Variants in TNKS observed in about 807,000 individuals in gnomAD.
TNKS encodes the protein poly [ADP-ribose] polymerase tankyrase-1.
Under a neutral mutation model 135.8 loss-of-function variants are expected in TNKS, and 72 were observed. That is an observed-to-expected ratio of 0.53 (90% confidence interval 0.44 to 0.64). The LOEUF is 0.64. Ranked by LOEUF, TNKS falls within the 30% of genes least tolerant of loss-of-function variation. TNKS has a pLI of 0.00. For missense variants in TNKS, 1,769 were observed against 1,674.0 expected (o/e 1.06, Z -0.99); for synonymous variants, 849 against 649.3 (o/e 1.31, Z -4.68).
chr8:9,663,972 A>G lies in TNKS; in HGVS notation c.995-15979A>G, dbSNP rs566923581. 2.6e-4 allele frequency among the ~76,000 whole-genome samples: 40 copies of G among 152,280 alleles called. No individual in the cohort carries two copies. The South Asian group carries it at 8.3e-3, about 32-fold the overall frequency. On this transcript the variant is annotated intron_variant, in intron 3 of 26. Transcript: ENST00000310430. ...ATCATTCCCTCCCTGGAGATCAGGC[A>G]TGGGGCTGAAAGTTCCACCCATCCA... is the stretch of plus-strand genomic sequence containing the variant.
At position 9,778,411 on chromosome 8, in the gene TNKS, C is replaced by G. The variant is rs1249629833; in HGVS notation, c.*1675C>G. 3.3e-5 allele frequency: 5 copies of G among 152,568 alleles called. No homozygotes were observed. The highest frequency in any genetic ancestry group is 2.0e-4 in the Admixed American group (3 of 15,282). 9.5% of individuals were successfully genotyped at this position (152,568 alleles called of 1,614,324 possible). A position where few individuals can be genotyped will look rare whatever the true frequency, so the allele number is the denominator to read the frequency against. ...TGAAGCAAAATAAAATGGTTACATG[C>G]AAAACTTCTAGAAATAGACTCTTAA... On this transcript the variant is annotated 3_prime_UTR_variant, in exon 27 of 27. Transcript: ENST00000310430.
chr8:9,624,041 A>C (rs7005248), intron 3 of TNKS, among the ~76,000 whole-genome samples: 28,958 of 151,602 alleles, frequency 0.19, 2,979 homozygotes, highest in East Asian at 0.3. Flanking sequence ...ACAACAACAA[A>C]AAACAACTAA....
intron 1 of TNKS, among the ~76,000 whole-genome samples, chr8:9,568,054 C>G (rs549331970): frequency 2.1e-4 from 32 of 152,278 alleles, no homozygotes; most frequent in Admixed American, 5.9e-4. Flanking sequence ...TAGACTGAAT[C>G]TCTGCAGTTA....
intron 2 of TNKS, 194 bp from the exon 3 acceptor site, chr8:9,615,388 A>T (rs544458525): frequency 4.4e-6 from 2 of 452,190 alleles, no homozygotes; most frequent in African/African-American, 2.0e-5. Context: ...ATTGTACCAT[A>T]AGTTGCCAAC....
chr8:9,724,423 A>G (rs989872379), intron 12 of TNKS, among the ~76,000 whole-genome samples: 16 of 151,732 alleles, frequency 1.1e-4, no homozygotes, highest in African/African-American at 3.9e-4. Flanking sequence ...CCCCATCTCT[A>G]AAAAGAAAGA....
At chr8:9,566,713 A>G (rs921101458) in intron 1 of TNKS, among the ~76,000 whole-genome samples, 2 of 143,680 alleles carry the variant, frequency 1.4e-5, no homozygotes, top group African/African-American at 2.6e-5. Context: ...GGTTCACGCC[A>G]TTCTCCTGCC....
chr8:9,688,371 T>C (rs992951321), intron 5 of TNKS, among the ~76,000 whole-genome samples: 20 of 152,258 alleles, frequency 1.3e-4, no homozygotes, highest in Admixed American at 9.8e-4. Flanking sequence ...GAGTTAATTA[T>C]GGATTTAAGA....
At chr8:9,688,028 A>C (rs1803088961) in intron 5 of TNKS, among the ~76,000 whole-genome samples, 1 of 152,232 alleles carries the variant, frequency 6.6e-6, no homozygotes, top group Admixed American at 6.5e-5. Context: ...AGAAACACAC[A>C]AGACAGCTTC....
At chr8:9,702,380 G>C (rs1184723161) in intron 5 of TNKS, among the ~76,000 whole-genome samples, 1 of 152,070 alleles carries the variant, frequency 6.6e-6, no homozygotes, top group African/African-American at 2.4e-5. Flanking sequence ...ATTGCTTTAA[G>C]TCAGTGAAAT....
chr8:9,762,693 G>A (rs745976681), intron 21 of TNKS, among the ~76,000 whole-genome samples: 11 of 152,086 alleles, frequency 7.2e-5, no homozygotes, highest in Non-Finnish European at 1.2e-4. Context: ...ATGAGGTCAG[G>A]AGATTGAGAC....
rs984897718 is a variant in TNKS, at chr8:9,658,418, G to A, written c.995-21533G>A. On this transcript the variant is annotated intron_variant, in intron 3 of 26. Transcript: ENST00000310430. Reference sequence around the variant, plus strand: ...CTGCCCGCTGAACTCCATCCTCCCGGCGGTCGGGCGGCGGCGGCTGCCAAG... The same window carrying A: ...CTGCCCGCTGAACTCCATCCTCCCGACGGTCGGGCGGCGGCGGCTGCCAAG... The A allele has an allele frequency of 2.4e-5, 30 of 1,254,444 alleles. No individual in the cohort carries two copies. In the African/African-American group the frequency reaches 4.5e-4, roughly 19 times the overall value. 77.7% of individuals were successfully genotyped at this position (1,254,444 alleles called of 1,614,324 possible).
chr8:9,697,222 T>C (rs1478011513), intron 5 of TNKS, among the ~76,000 whole-genome samples: 1 of 152,096 alleles, frequency 6.6e-6, no homozygotes, highest in Non-Finnish European at 1.5e-5. Context: ...ATGCAAGAAA[T>C]AGTGCTGGGA....
chr8:9,571,497 G>C (rs541882961), intron 1 of TNKS, among the ~76,000 whole-genome samples: 1 of 151,950 alleles, frequency 6.6e-6, no homozygotes, highest in African/African-American at 2.4e-5. Flanking sequence ...TCACTCTGTC[G>C]CCCAGGCTGG....
intron 21 of TNKS, among the ~76,000 whole-genome samples, chr8:9,762,754 A>T (rs1453215282): frequency 6.6e-6 from 1 of 151,998 alleles, no homozygotes; most frequent in African/African-American, 2.4e-5. Flanking sequence ...AAATACAGAA[A>T]ATTAGCTGGG....
chr8:9,757,598 A>G (rs1042449921), intron 20 of TNKS, among the ~76,000 whole-genome samples: 2 of 151,960 alleles, frequency 1.3e-5, no homozygotes, highest in African/African-American at 4.8e-5. Flanking sequence ...CCCCCTTGCA[A>G]CCGTGACCAA....
intron 3 of TNKS, chr8:9,679,656 A>C (rs1802688289): frequency 1.5e-5 from 5 of 322,918 alleles, no homozygotes. Context: ...TTCAGCTGGC[A>C]TGCTGTTATC....
intron 2 of TNKS, among the ~76,000 whole-genome samples, chr8:9,603,473 G>T (rs976906105): frequency 3.6e-4 from 55 of 152,182 alleles, no homozygotes; most frequent in African/African-American, 1.3e-3. Flanking sequence ...CATAACTCTA[G>T]AACACTGGGA....
chr8:9,593,014 G>T (rs908805577), intron 2 of TNKS, among the ~76,000 whole-genome samples: 2 of 152,066 alleles, frequency 1.3e-5, no homozygotes, highest in African/African-American at 4.8e-5. Context: ...ATTAACTTTT[G>T]GTTATAATGG....
At chr8:9,582,395 G>A (rs905217095) in intron 2 of TNKS, among the ~76,000 whole-genome samples, 1 of 152,074 alleles carries the variant, frequency 6.6e-6, no homozygotes, top group Admixed American at 6.5e-5. Context: ...TTTTTAAAAG[G>A]TTTTTGCCTA....
Sources: gnomAD v4.1 joint callset for allele counts (sites outside exome capture counted in the v4.1 genomes callset) on GRCh38, gnomAD v4.1.1 for gene constraint, MANE v1.5 for transcripts, NCBI Gene and HGNC (gene_info 2026-07-23, HGNC 2026-07-21) for gene names.